Variants in CEP192 observed in about 807,000 individuals in gnomAD.
CEP192 encodes centrosomal protein of 192 kDa.
Under a neutral mutation model 271.8 loss-of-function variants are expected in CEP192, and 151 were observed. That is an observed-to-expected ratio of 0.56 (90% CI 0.49 to 0.64). The LOEUF is 0.64. CEP192 is among the 30% of genes least tolerant of loss of function. The probability of loss-of-function intolerance (pLI) is 0.00; values close to 1 mark genes in which losing one functional copy is unlikely to be tolerated. For missense variants in CEP192, 2,910 were observed against 3,020.5 expected (o/e 0.96, Z 0.86); for synonymous variants, 995 against 1,076.5 (o/e 0.92, Z 1.48).
At chr18:13,017,136 G>T in intron 6 of CEP192, 52 bp from the exon 7 acceptor site, 3 of 1,381,506 alleles carry the variant, frequency 2.2e-6, no homozygotes, top group Non-Finnish European at 9.7e-7. Context: ...ACAAATTATT[G>T]CTTAGTCACT....
In CEP192 at chr18:13,029,815, GAC is replaced by G. The variant is rs2035514507; in HGVS notation, c.1205_1206del (p.Thr402SerfsTer11). 6.4e-7 allele frequency: 1 copy of G among 1,551,530 alleles called. No individual in the cohort carries two copies. Among genetic ancestry groups the G allele is most frequent in the Non-Finnish European group, 8.7e-7 (1 of 1,146,980 alleles). ...GGGCAGAGTGTCCTCACCAAAATAAGACAGTTTTGCACATGGATGGATGTTTA... is the reference window on the plus strand; with the variant it reads ...GGGCAGAGTGTCCTCACCAAAATAAGAGTTTTGCACATGGATGGATGTTTA... ...QGAECPHQNK[T>X]VLHMDGCLDT... On this transcript the variant is annotated frameshift_variant, in exon 10 of 45. Coordinates refer to ENST00000506447, the MANE Select transcript of CEP192 (RefSeq NM_032142.4). LOFTEE classifies it high-confidence loss of function.
Position 13,057,601 on chromosome 18 carries a change from C to G in CEP192, c.4125C>G (p.Pro1375=). The G allele has an allele frequency of 1.2e-6, 2 of 1,613,950 alleles. No individual in the cohort carries two copies. Among genetic ancestry groups the G allele is most frequent in the Middle Eastern group, 1.6e-4 (1 of 6,062 alleles). The change falls in exon 20 of 45, where the codon CCC becomes CCG. Residue 1375 remains proline, a synonymous_variant. Transcript: ENST00000506447. ...CTCACCCAGGGAGTGTCCGAGTGCC[C>G]GAGGAGTTGAAGCTTCCTCATGCTT... The part of the protein sequence containing the change: ...VTSGLGSVRV[P]EELKLPHACC...
At position 13,049,498 on chromosome 18, in the gene CEP192, C is replaced by G; in HGVS notation, c.2707C>G (p.Pro903Ala). 5 of 1,614,098 alleles carry G rather than the reference C, an allele frequency of 3.1e-6. 1 individual carries two copies. The South Asian group carries it at 5.5e-5, about 18-fold the overall frequency. The change falls in exon 16 of 45, where the codon CCA (proline) becomes GCA (alanine). Residue 903 changes from proline (P) to alanine (A), a missense_variant. Transcript: ENST00000506447. ...TGAAAAAGCTACCTCAATTTCCACT[C>G]CATCTGATAGTTATTCATCAGTGAG... The part of the protein sequence containing the change: ...NDEKATSIST[P>A]SDSYSSVRNP...
chr18:13,035,136 T>A (rs537016933), intron 11 of CEP192, among the ~76,000 whole-genome samples: 21 of 152,340 alleles, frequency 1.4e-4, no homozygotes, highest in Admixed American at 1.0e-3. Flanking sequence ...GTTTCTTTGA[T>A]GAATCCCTTA....
At chr18:13,040,767 A>G in intron 13 of CEP192, 63 bp from the exon 14 acceptor site, 1 of 1,334,310 alleles carries the variant, frequency 7.5e-7, no homozygotes, top group South Asian at 1.4e-5. Context: ...TAGATAAAAC[A>G]GTCTAGAATT....
intron 44 of CEP192, among the ~76,000 whole-genome samples, chr18:13,121,260 T>C (rs1211474156): frequency 1.3e-5 from 2 of 152,226 alleles, no homozygotes; most frequent in Non-Finnish European, 2.9e-5. Flanking sequence ...CACTGTGTGC[T>C]CTATGACACC....
At chr18:13,033,052 C>G (rs2143620808) in intron 11 of CEP192, among the ~76,000 whole-genome samples, 1 of 152,246 alleles carries the variant, frequency 6.6e-6, no homozygotes, top group South Asian at 2.1e-4. Flanking sequence ...TGGGTACTGG[C>G]AGTATTATGC....
At chr18:13,007,529 T>TC (rs1251075187) in intron 3 of CEP192, among the ~76,000 whole-genome samples, 1 of 152,154 alleles carries the variant, frequency 6.6e-6, no homozygotes, top group African/African-American at 2.4e-5. Context: ...ACCATCTTGC[T>TC]CCCCCACCTC....
chr18:13,056,217 T>C lies in CEP192; in HGVS notation c.3627T>C (p.Arg1209=), dbSNP rs572572018. ...ISPKDKSTAG[R]EFSGQVSHQT... ...CTAAAGATAAGTCAACTGCTGGCCG[T>C]GAGTTCAGTGGCCAGGTTTCTCATC... Residue 1209 remains arginine (R), a synonymous_variant, in exon 19 of 45, where the codon CGT becomes CGC. Coordinates refer to ENST00000506447, the MANE Select transcript of CEP192 (RefSeq NM_032142.4). 2.5e-6 allele frequency: 4 copies of C among 1,614,080 alleles called. No individual in the cohort carries two copies. The highest frequency in any genetic ancestry group is 3.4e-6 in the Non-Finnish European group (4 of 1,179,966).
chr18:13,076,857 C>T (rs567583854), intron 30 of CEP192, among the ~76,000 whole-genome samples: 3 of 152,194 alleles, frequency 2.0e-5, no homozygotes, highest in African/African-American at 7.2e-5. Flanking sequence ...GATCTCGGCT[C>T]ACTGCAACTT....
chr18:12,991,681 C>T (rs1203516445), intron 1 of CEP192, among the ~76,000 whole-genome samples: 1 of 152,264 alleles, frequency 6.6e-6, no homozygotes, highest in African/African-American at 2.4e-5. Flanking sequence ...TCTGTGTCAT[C>T]GGGCTTTGGC....
chr18:13,090,053 GAC>G (rs1373382346), intron 33 of CEP192, among the ~76,000 whole-genome samples: 49 of 152,244 alleles, frequency 3.2e-4, no homozygotes, highest in Admixed American at 1.2e-3. Context: ...GTAATAAGGT[GAC>G]ACTAACCTAG....
chr18:13,058,866 A>T (rs1293566403), intron 20 of CEP192: 1 of 553,922 alleles, frequency 1.8e-6, no homozygotes, highest in Non-Finnish European at 3.2e-6. Context: ...GACTGGGGAG[A>T]CAGCCTTGGT....
chr18:12,991,517 C>A (rs1459023357), intron 1 of CEP192, 80 bp downstream of exon 1: 1 of 152,336 alleles, frequency 6.6e-6, no homozygotes, highest in Non-Finnish European at 1.5e-5. Context: ...TTTCGGCTGC[C>A]GGACCGACGG....
At chr18:13,051,365 T>TTGTG (rs34111719) in intron 17 of CEP192, among the ~76,000 whole-genome samples, 1 of 150,912 alleles carries the variant, frequency 6.6e-6, no homozygotes, top group Non-Finnish European at 1.5e-5. Flanking sequence ...GTGTATGTGT[T>TTGTG]TGTGTGTGTG....
At chr18:13,082,426 C>G (rs1392283454) in intron 30 of CEP192, among the ~76,000 whole-genome samples, 1 of 146,198 alleles carries the variant, frequency 6.8e-6, no homozygotes, top group Admixed American at 6.8e-5. Flanking sequence ...AGGATTGCAA[C>G]CCCTGCTTTT....
At position 13,069,803 on chromosome 18, in the gene CEP192, A is replaced by G. The variant is rs370280962; in HGVS notation, c.5121A>G (p.Glu1707=). Residue 1707 remains glutamate (E), a synonymous_variant, in exon 27 of 45, where the codon GAA becomes GAG. Transcript: ENST00000506447. ...ATCTACTCCTTAAACCTGGAGAAGA[A>G]CATGAGGTTATTGTTTCATTTACTC... ...PKNLLLKPGE[E]HEVIVSFTPK... is the part of the protein sequence containing the mutation. The G allele has an allele frequency of 6.2e-7, 1 of 1,606,696 alleles. No individual in the cohort carries two copies. The highest frequency in any genetic ancestry group is 1.1e-5 in the South Asian group (1 of 90,874).
chr18:13,027,881 G>T (rs2035394094), intron 9 of CEP192, among the ~76,000 whole-genome samples: 1 of 151,068 alleles, frequency 6.6e-6, no homozygotes, highest in Admixed American at 6.6e-5. Flanking sequence ...ACTTAATTTT[G>T]TAAGGTTTTT....
intron 3 of CEP192, among the ~76,000 whole-genome samples, chr18:13,005,711 A>G (rs1010567134): frequency 1.4e-4 from 22 of 152,220 alleles, no homozygotes; most frequent in African/African-American, 1.4e-4. Flanking sequence ...TGGACACTAT[A>G]CTGGAGGGTC....
Sources: gnomAD v4.1 joint callset for allele counts (sites outside exome capture counted in the v4.1 genomes callset) on GRCh38, gnomAD v4.1.1 for gene constraint, MANE v1.5 for transcripts, NCBI Gene and HGNC (gene_info 2026-07-23, HGNC 2026-07-21) for gene names.